MRPS27: variants seen among roughly 807,000 people sequenced by gnomAD.
The protein encoded by MRPS27 is small ribosomal subunit protein mS27.
In MRPS27, 43 loss-of-function variants were observed where a neutral mutation model predicts 48.9. The observed-to-expected ratio is 0.88, with a 90% CI of 0.69 to 1.13. The LOEUF (loss-of-function observed/expected upper bound fraction) is 1.13, where lower values mean the gene tolerates loss of function less well. Among genes scored for constraint, MRPS27 ranks in the 50% most tolerant of loss-of-function variants. The pLI, the probability that MRPS27 is intolerant of heterozygous loss-of-function variation, is 0.00. For missense variants in MRPS27, 467 were observed against 476.3 expected (o/e 0.98, Z 0.18); for synonymous variants, 188 against 171.9 (o/e 1.09, Z -0.73).
intron 4 of MRPS27, 155 bp downstream of exon 4, chr5:72,295,376 A>T: frequency 1.8e-6 from 1 of 570,382 alleles, no homozygotes; most frequent in Non-Finnish European, 3.1e-6. Context: ...AAATGCAGTT[A>T]TAAAAAATCA....
intron 2 of MRPS27, among the ~76,000 whole-genome samples, chr5:72,299,982 A>G (rs907609942): frequency 9.2e-5 from 14 of 152,172 alleles, no homozygotes; most frequent in Non-Finnish European, 2.1e-4. Context: ...TGTTAAACAA[A>G]AAAGCCCTCC....
At chr5:72,272,042 A>C (rs554279565) in intron 4 of MRPS27, among the ~76,000 whole-genome samples, 1 of 152,302 alleles carries the variant, frequency 6.6e-6, no homozygotes, top group East Asian at 1.9e-4. Context: ...ACAAACAAAC[A>C]AACAAAGTAA....
In MRPS27 at chr5:72,232,447, A is replaced by G. The variant is rs1295546548; in HGVS notation, c.587T>C (p.Phe196Ser). Residue 196 changes from phenylalanine to serine, a missense_variant, in exon 7 of 11, where the codon TTC becomes TCC. Coordinates refer to ENST00000261413, the MANE Select transcript of MRPS27 (RefSeq NM_015084.3). ...GCTTTAGGGAAGATCACTTACACTGAAGTCTGTCTTCTTTGCCAGGCAATG... is the reference window on the plus strand; with the variant it reads ...GCTTTAGGGAAGATCACTTACACTGGAGTCTGTCTTCTTTGCCAGGCAATG... ...LFHCLAKKTD[F>S]SWEEERNFGA... The G allele has an allele frequency of 1.2e-6, 2 of 1,608,200 alleles. No individual in the cohort carries two copies. The highest frequency in any genetic ancestry group is 1.7e-6 in the Non-Finnish European group (2 of 1,175,360).
At chr5:72,300,717 A>C (rs1750104920) in intron 2 of MRPS27, among the ~76,000 whole-genome samples, 1 of 152,200 alleles carries the variant, frequency 6.6e-6, no homozygotes, top group Admixed American at 6.5e-5. Context: ...TCTCATCACC[A>C]CTACTGCTAA....
rs373482074 is a variant in MRPS27, at chr5:72,254,045, C to T, written c.282-15917G>A. Among the ~76,000 whole-genome samples the T allele has an allele frequency of 6.6e-5, 10 of 152,290 alleles. No individual in the cohort carries two copies. In the East Asian group the frequency reaches 1.2e-3, roughly 18 times the overall value. On this transcript the variant is annotated intron_variant, in intron 4 of 10. Coordinates refer to ENST00000261413, the MANE Select transcript of MRPS27 (RefSeq NM_015084.3). ...CCTCCTGCCTCAGCCTCCCAAGTAGCGAGGACTACAGGCAGGTGACCCTGC... is the reference window on the plus strand; with the variant it reads ...CCTCCTGCCTCAGCCTCCCAAGTAGTGAGGACTACAGGCAGGTGACCCTGC...
chr5:72,288,379 G>C (rs999589857), intron 4 of MRPS27, among the ~76,000 whole-genome samples: 2 of 151,996 alleles, frequency 1.3e-5, no homozygotes, highest in Non-Finnish European at 2.9e-5. Context: ...AGCTAATTTT[G>C]TTTTTGTATT....
intron 4 of MRPS27, among the ~76,000 whole-genome samples, chr5:72,256,219 C>T (rs1054817674): frequency 1.2e-4 from 19 of 152,138 alleles, no homozygotes; most frequent in African/African-American, 4.3e-4. Flanking sequence ...ATATATTCCA[C>T]GTATTATGAA....
At chr5:72,267,251 G>C (rs1214249718) in intron 4 of MRPS27, among the ~76,000 whole-genome samples, 1 of 152,124 alleles carries the variant, frequency 6.6e-6, no homozygotes, top group South Asian at 2.1e-4. Context: ...GATATTCTAA[G>C]TTCAACCATG....
chr5:72,260,432 G>A (rs1301202322), intron 4 of MRPS27, among the ~76,000 whole-genome samples: 1 of 152,068 alleles, frequency 6.6e-6, no homozygotes, highest in Non-Finnish European at 1.5e-5. Flanking sequence ...TTTTCCTACT[G>A]TTTTATTTAA....
In MRPS27 at chr5:72,221,042, T is replaced by G. The variant is rs1161898674; in HGVS notation, c.1112A>C (p.Asp371Ala). The G allele has an allele frequency of 5.0e-6, 8 of 1,614,068 alleles. No homozygotes were observed. Among genetic ancestry groups the G allele is most frequent in the Non-Finnish European group, 6.8e-6 (8 of 1,180,030 alleles). Residue 371 changes from aspartate to alanine, a missense_variant, in exon 11 of 11, where the codon GAC becomes GCC. By Grantham distance (126) the Asp-to-Ala change is moderately radical. Transcript: ENST00000261413. ...CAGATTCTGCTCATAGGTGGCGATGTCCTCTGCTTCACAGGTGGAGAGTTT... is the reference window on the plus strand; with the variant it reads ...CAGATTCTGCTCATAGGTGGCGATGGCCTCTGCTTCACAGGTGGAGAGTTT... ...KEKLSTCEAE[D>A]IATYEQNLQQ... is the part of the protein sequence containing the mutation.
intron 4 of MRPS27, among the ~76,000 whole-genome samples, chr5:72,259,313 A>G (rs1748899237): frequency 6.6e-6 from 1 of 152,126 alleles, no homozygotes; most frequent in African/African-American, 2.4e-5. Flanking sequence ...TACTAAAAAT[A>G]CAAAATTAGC....
chr5:72,268,348 A>G (rs192223652), intron 4 of MRPS27, among the ~76,000 whole-genome samples: 192 of 152,332 alleles, frequency 1.3e-3, no homozygotes, highest in African/African-American at 4.5e-3. Context: ...ATACTCGGCA[A>G]CATTTGCATT....
At chr5:72,259,734 G>C (rs1467582590) in intron 4 of MRPS27, among the ~76,000 whole-genome samples, 1 of 151,950 alleles carries the variant, frequency 6.6e-6, no homozygotes, top group Non-Finnish European at 1.5e-5. Flanking sequence ...TATTATTATA[G>C]ACAAAGCTAC....
intron 4 of MRPS27, among the ~76,000 whole-genome samples, chr5:72,280,014 A>C (rs1012654134): frequency 5.9e-5 from 9 of 152,318 alleles, no homozygotes; most frequent in Middle Eastern, 3.4e-3. Context: ...GATGTAAAAA[A>C]TATCTCAGGT....
rs769191123 is a variant in MRPS27, at chr5:72,228,273, T to G, written c.687A>C (p.Ala229=). Residue 229 remains alanine, a synonymous_variant, in exon 8 of 11, where the codon GCA becomes GCC. Coordinates refer to ENST00000261413, the MANE Select transcript of MRPS27 (RefSeq NM_015084.3). ...AAGGATCATTTAGCTTACCAAGAAG[T>G]GCATAGCCATACAACTGGGAACTGA... ...VGFSSQLYGY[A]LLGKVELQQG... 6.2e-7 allele frequency: 1 copy of G among 1,610,882 alleles called. No homozygotes were observed.
rs1415053395 is a variant in MRPS27 at position 72,223,865 on chromosome 5, G to A, written c.838-15C>T. 2 of 1,610,570 alleles carry A rather than the reference G, an allele frequency of 1.2e-6. No homozygotes were observed. Among genetic ancestry groups the A allele is most frequent in the Non-Finnish European group, 8.5e-7 (1 of 1,177,638 alleles). ...AGCACATCGAGCTGTGGAGCAGAAA[G>A]AGGGTCAGCAACCAAATGTTTTATG... On this transcript the variant is annotated splice_polypyrimidine_tract_variant and intron_variant, in intron 9 of 10. Transcript: ENST00000261413.
At chr5:72,299,475 G>A (rs563587122) in intron 2 of MRPS27, among the ~76,000 whole-genome samples, 28 of 152,308 alleles carry the variant, frequency 1.8e-4, no homozygotes, top group Admixed American at 4.6e-4. Flanking sequence ...CATTGCTTAC[G>A]CATTTATTCC....
At chr5:72,241,560 T>C in intron 4 of MRPS27, 1 of 1,300,672 alleles carries the variant, frequency 7.7e-7, no homozygotes, top group South Asian at 1.3e-5. Flanking sequence ...GGTGACTTTT[T>C]AAGCAGTTCA....
At chr5:72,245,944 T>C (rs1454330124) in intron 4 of MRPS27, among the ~76,000 whole-genome samples, 1 of 152,212 alleles carries the variant, frequency 6.6e-6, no homozygotes, top group Admixed American at 6.5e-5. Flanking sequence ...CCCTAGGCAT[T>C]CTTTGTTTGT....
Sources: allele counts gnomAD v4.1 joint callset (sites outside exome capture counted in the v4.1 genomes callset), GRCh38; gene constraint gnomAD v4.1.1; transcripts MANE v1.5; gene names NCBI Gene and HGNC (gene_info 2026-07-23, HGNC 2026-07-21).